RUBCN: variants seen among roughly 807,000 people sequenced by gnomAD.
The protein encoded by RUBCN is rubicon autophagy regulator.
A neutral mutation model predicts 113.2 loss-of-function variants in RUBCN; 74 were observed. That is an observed-to-expected ratio of 0.65 (90% CI 0.54 to 0.79). The LOEUF (loss-of-function observed/expected upper bound fraction) is 0.79. Ranked by LOEUF, RUBCN falls within the 30% of genes least tolerant of loss-of-function variation. The pLI is 0.00. For synonymous variants in RUBCN, 480 were observed against 490.0 expected (o/e 0.98, Z 0.27); for missense variants, 1,109 against 1,251.7 (o/e 0.89, Z 1.72).
At chr3:197,723,968 C>T (rs547617017) in intron 1 of RUBCN, among the ~76,000 whole-genome samples, 1 of 152,232 alleles carries the variant, frequency 6.6e-6, no homozygotes, top group African/African-American at 2.4e-5. Context: ...CGTGGTGGCA[C>T]ATGCCTGTAA....
At chr3:197,705,487 C>T (rs1038961581) in intron 2 of RUBCN, among the ~76,000 whole-genome samples, 2 of 150,222 alleles carry the variant, frequency 1.3e-5, no homozygotes, top group African/African-American at 4.9e-5. Context: ...ATCACTTGAA[C>T]CTGGGAGGTC....
chr3:197,680,613 C>T (rs1433091169), intron 16 of RUBCN, among the ~76,000 whole-genome samples: 1 of 152,226 alleles, frequency 6.6e-6, no homozygotes, highest in East Asian at 1.9e-4. Flanking sequence ...CTCTAACTCA[C>T]TCTGACAACT....
chr3:197,685,678 C>T (rs1329265368), intron 11 of RUBCN, among the ~76,000 whole-genome samples: 1 of 152,140 alleles, frequency 6.6e-6, no homozygotes, highest in Non-Finnish European at 1.5e-5. Context: ...GACAAGACAT[C>T]GACACATTTT....
At chr3:197,694,137 C>T (rs777168407) in intron 10 of RUBCN, 14 of 639,532 alleles carry the variant, frequency 2.2e-5, no homozygotes, top group East Asian at 1.6e-4. Flanking sequence ...GTGATCCACC[C>T]GCCTCGGCCT....
At chr3:197,739,155 G>C (rs1036189284), upstream of RUBCN, among the ~76,000 whole-genome samples, 1 of 151,730 alleles carries the variant, frequency 6.6e-6, no homozygotes, top group Admixed American at 6.6e-5. Context: ...TGGTCAGGCC[G>C]GTCTTGAACT....
intron 7 of RUBCN, among the ~76,000 whole-genome samples, chr3:197,698,251 T>C (rs768840273): frequency 6.6e-6 from 1 of 152,254 alleles, no homozygotes; most frequent in African/African-American, 2.4e-5. Flanking sequence ...TTCTAAATGA[T>C]GGTCCTACAG....
chr3:197,682,860 A>T (rs1052324687), intron 13 of RUBCN, among the ~76,000 whole-genome samples: 4 of 152,188 alleles, frequency 2.6e-5, no homozygotes, highest in Non-Finnish European at 5.9e-5. Flanking sequence ...AGGAGGCGCC[A>T]AGGTACTACA....
intron 2 of RUBCN, among the ~76,000 whole-genome samples, chr3:197,717,314 G>C (rs1443862497): frequency 1.3e-5 from 2 of 151,422 alleles, no homozygotes; most frequent in African/African-American, 4.9e-5. Context: ...CCTGGTGGCG[G>C]GCGCCTGTAG....
At chr3:197,677,092 C>T (rs1720528744) in intron 17 of RUBCN, 54 bp from the exon 18 acceptor site, 13 of 1,549,712 alleles carry the variant, frequency 8.4e-6, no homozygotes, top group South Asian at 6.7e-5. Flanking sequence ...TGTGCCACAT[C>T]GTAGTAGAAG....
chr3:197,703,636 C>T lies in RUBCN; in HGVS notation c.482G>A (p.Ser161Asn). The T allele has an allele frequency of 1.9e-6, 3 of 1,613,584 alleles. No homozygotes were observed. The highest frequency in any genetic ancestry group is 2.5e-6 in the Non-Finnish European group (3 of 1,179,770). ...KFYTDAAFLL[S>N]DAHVTAMLQC... Reference sequence around the variant, plus strand: ...CAGCATGGCCGTGACATGAGCGTCACTTAGCAGGAAGGCAGCATCTGGGGA... The same window carrying T: ...CAGCATGGCCGTGACATGAGCGTCATTTAGCAGGAAGGCAGCATCTGGGGA... The change falls in exon 5 of 20, where the codon AGT (serine) becomes AAT (asparagine). Residue 161 changes from serine to asparagine, a missense_variant. Transcript: ENST00000296343.
intron 2 of RUBCN, among the ~76,000 whole-genome samples, chr3:197,709,220 GTT>G (rs1389226171): frequency 1.3e-5 from 2 of 152,168 alleles, no homozygotes; most frequent in Non-Finnish European, 2.9e-5. Context: ...TGCATAAGCA[GTT>G]TTTTCCTGTT....
intron 2 of RUBCN, among the ~76,000 whole-genome samples, chr3:197,716,359 A>G (rs1036852713): frequency 2.6e-5 from 4 of 152,146 alleles, no homozygotes; most frequent in Admixed American, 6.5e-5. Context: ...AACTGATCTC[A>G]AGTGATCTGC....
intron 5 of RUBCN, among the ~76,000 whole-genome samples, chr3:197,702,912 T>C (rs57039686): frequency 0.14 from 21,647 of 152,040 alleles, 2,204 homozygotes; most frequent in African/African-American, 0.29. Flanking sequence ...GACACTAAAC[T>C]CTATCCGATT....
intron 1 of RUBCN, among the ~76,000 whole-genome samples, chr3:197,726,874 C>G (rs1726820295): frequency 6.6e-6 from 1 of 151,318 alleles, no homozygotes; most frequent in African/African-American, 2.4e-5. Flanking sequence ...AGAAAATAGA[C>G]ATCATAGTCA....
At chr3:197,741,112 G>T (rs374797340), upstream of RUBCN, among the ~76,000 whole-genome samples, 26 of 152,116 alleles carry the variant, frequency 1.7e-4, no homozygotes, top group African/African-American at 6.3e-4. Flanking sequence ...AAATAGTCAA[G>T]GTTCTGCTTT....
intron 11 of RUBCN, 65 bp downstream of exon 11, chr3:197,693,650 G>T: frequency 9.1e-7 from 1 of 1,100,030 alleles, no homozygotes; most frequent in Non-Finnish European, 1.4e-6. Flanking sequence ...ACACTTCGCA[G>T]CTTATCATTC....
At chr3:197,694,108 C>T in intron 10 of RUBCN, 1 of 609,006 alleles carries the variant, frequency 1.6e-6, no homozygotes, top group Non-Finnish European at 3.0e-6. Context: ...CCAGGCAGGT[C>T]TCAAACTCCT....
rs1013883563 is a variant in RUBCN at position 197,674,768 on chromosome 3, C to T, written c.*250G>A. The T allele has an allele frequency of 3.1e-5, 16 of 517,200 alleles. No individual in the cohort carries two copies. Among genetic ancestry groups the T allele is most frequent in the African/African-American group, 2.0e-4 (10 of 50,552 alleles). The allele number at this position is 517,200 out of a possible 1,614,324, so 32.0% of individuals were successfully genotyped here. Reference sequence around the variant, plus strand: ...GCACTAGAAGCTTCACTGAAGGACCCGCATGTCAGTTCTGATGGAAACACC... The same window carrying T: ...GCACTAGAAGCTTCACTGAAGGACCTGCATGTCAGTTCTGATGGAAACACC... On this transcript the variant is annotated 3_prime_UTR_variant, in exon 20 of 20. Transcript: ENST00000296343.
At chr3:197,700,112 G>A (rs1056275479) in intron 7 of RUBCN, among the ~76,000 whole-genome samples, 11 of 152,176 alleles carry the variant, frequency 7.2e-5, no homozygotes, top group African/African-American at 2.7e-4. Context: ...CTGAATCAGT[G>A]ATGCGGCCGT....
Sources: allele counts gnomAD v4.1 joint callset (sites outside exome capture counted in the v4.1 genomes callset), GRCh38; gene constraint gnomAD v4.1.1; transcripts MANE v1.5; gene names NCBI Gene and HGNC (gene_info 2026-07-23, HGNC 2026-07-21).